The following NRAP variants were observed in gnomAD, a reference collection of about 807,000 sequenced individuals.
The protein encoded by NRAP is nebulin related anchoring protein, also known as nebulin-related-anchoring protein.
Under a neutral mutation model 225.9 loss-of-function variants are expected in NRAP, and 189 were observed. The observed-to-expected ratio is 0.84, with a 90% CI of 0.74 to 0.94. The LOEUF (loss-of-function observed/expected upper bound fraction) is 0.94, where lower values mean the gene tolerates loss of function less well. Ranked by LOEUF, NRAP falls within the 40% of genes least tolerant of loss-of-function variation. The pLI, the probability that NRAP is intolerant of heterozygous loss-of-function variation, is 0.00. For missense variants in NRAP, 2,176 were observed against 2,168.7 expected, an observed-to-expected ratio of 1.00 and a Z score of -0.07; for synonymous variants, 769 against 790.7, an observed-to-expected ratio of 0.97 and a Z score of 0.46.
chr10:113,636,867 C>T (rs982780680), intron 14 of NRAP, among the ~76,000 whole-genome samples: 4 of 151,932 alleles, frequency 2.6e-5, no homozygotes, highest in African/African-American at 7.3e-5. Flanking sequence ...ATTAGCCGGG[C>T]GTGGTGGCTC....
chr10:113,643,830 T>C (rs1396739862), intron 11 of NRAP, among the ~76,000 whole-genome samples: 1 of 152,236 alleles, frequency 6.6e-6, no homozygotes, highest in African/African-American at 2.4e-5. Flanking sequence ...TATCATATCT[T>C]ATAAAACTAT....
chr10:113,603,829 T>C (rs1297361099), intron 35 of NRAP, among the ~76,000 whole-genome samples: 1 of 152,144 alleles, frequency 6.6e-6, no homozygotes, highest in African/African-American at 2.4e-5. Flanking sequence ...CTTGCTCAAA[T>C]ATCAACTTTT....
In NRAP at chr10:113,652,981, G is replaced by A. The variant is rs1341692311; in HGVS notation, c.524C>T (p.Thr175Ile). The A allele has an allele frequency of 4.3e-6, 7 of 1,613,272 alleles. No homozygotes were observed. Among genetic ancestry groups the A allele is most frequent in the African/African-American group, 1.3e-5 (1 of 74,856 alleles). ...RGKGSFPAMI[T>I]PAYQRAKKAN... Reference sequence around the variant, plus strand: ...TTTCTTGGCCCTTTGATAAGCAGGTGTGATCATGGCTGGAAAGCTCCCCTT... The same window carrying A: ...TTTCTTGGCCCTTTGATAAGCAGGTATGATCATGGCTGGAAAGCTCCCCTT... The change falls in exon 6 of 42, where the codon ACA becomes ATA. Residue 175 changes from threonine (T) to isoleucine (I), a missense_variant. By Grantham distance (89) the Thr-to-Ile change is moderately conservative. This residue lies in a region of NRAP where 1,708 missense variants were observed against 1,695.5 expected (regional missense o/e 1.01). Coordinates refer to ENST00000359988, the MANE Select transcript of NRAP (RefSeq NM_198060.4).
rs755981418 is a variant in NRAP at position 113,589,615 on chromosome 10, C to T, written c.5088+51G>A. On this transcript the variant is annotated intron_variant, in intron 41 of 41. Coordinates refer to ENST00000359988, the MANE Select transcript of NRAP (RefSeq NM_198060.4). ...CTTTGAAAAGAAACAATGAGTTTGT[C>T]TTTCCCCATGGCCTTGCAAGCCAGG... is the stretch of plus-strand genomic sequence containing the variant. 3 of 1,531,800 alleles carry T rather than the reference C, an allele frequency of 2.0e-6. No homozygotes were observed. The African/African-American group carries it at 5.3e-5, about 27-fold the overall frequency. The allele number at this position is 1,531,800 out of a possible 1,614,324, so 94.9% of individuals were successfully genotyped here.
chr10:113,622,301 CA>C (rs1238427992), intron 23 of NRAP, 121 bp from the exon 24 acceptor site: 1 of 677,914 alleles, frequency 1.5e-6, no homozygotes, highest in Non-Finnish European at 2.5e-6. Context: ...GAATTAGAAT[CA>C]TATGAAAGTT....
At chr10:113,608,549 G>T in intron 31 of NRAP, 37 bp from the exon 32 acceptor site, 1 of 1,347,752 alleles carries the variant, frequency 7.4e-7, no homozygotes, top group Non-Finnish European at 1.1e-6. Flanking sequence ...AGACGACTCC[G>T]TAAGGGATAA....
chr10:113,606,297 T>A lies in NRAP; in HGVS notation c.3703-15A>T, dbSNP rs778779676. 1 of 1,458,090 alleles carries A rather than the reference T, an allele frequency of 6.9e-7. No individual in the cohort carries two copies. The highest frequency in any genetic ancestry group is 9.6e-7 in the Non-Finnish European group (1 of 1,038,206). The allele number at this position is 1,458,090 out of a possible 1,614,324, so 90.3% of individuals were successfully genotyped here. A position where few individuals can be genotyped will look rare whatever the true frequency, so the allele number is the denominator to read the frequency against. Reference sequence around the variant, plus strand: ...TTATAGAGGCGCTAGGCCAAAAAAATATAATAATAATAATGCAAGAGATAA... The same window carrying A: ...TTATAGAGGCGCTAGGCCAAAAAAAAATAATAATAATAATGCAAGAGATAA... On this transcript the variant is annotated splice_polypyrimidine_tract_variant and intron_variant, in intron 32 of 41. Transcript: ENST00000359988.
chr10:113,623,540 G>A lies in NRAP; in HGVS notation c.2446C>T (p.Leu816=), dbSNP rs777272365. 1 of 1,611,890 alleles carries A rather than the reference G, an allele frequency of 6.2e-7. No homozygotes were observed. Among genetic ancestry groups the A allele is most frequent in the African/African-American group, 1.3e-5 (1 of 74,880 alleles). Reference sequence around the variant, plus strand: ...GGGGACAGACTCACCTCGCTAGCCAGGTCCCTCTTGGCTTTGGCTGCCAGG... The same window carrying A: ...GGGGACAGACTCACCTCGCTAGCCAAGTCCCTCTTGGCTTTGGCTGCCAGG... The part of the protein sequence containing the change: ...TFLAAKAKRD[L]ASEVKYKEDY... The change falls in exon 23 of 42, where the codon CTG becomes TTG. Residue 816 remains leucine (L), a synonymous_variant. Transcript: ENST00000359988.
Position 113,592,191 on chromosome 10 carries a change from T to C in NRAP, c.4644+3A>G, listed in dbSNP as rs530731672. ...ACCGCAGGAGAGAACATGGGGGTCT[T>C]ACATCACTGGCGATCTCCCTAGATG... On this transcript the variant is annotated splice_donor_region_variant and intron_variant, in intron 39 of 41. Coordinates refer to ENST00000359988, the MANE Select transcript of NRAP (RefSeq NM_198060.4). 3.1e-6 allele frequency: 5 copies of C among 1,589,322 alleles called. No homozygotes were observed. Among genetic ancestry groups the C allele is most frequent in the Admixed American group, 3.4e-5 (2 of 59,184 alleles).
chr10:113,627,259 T>C (rs1848339491), intron 20 of NRAP, among the ~76,000 whole-genome samples: 1 of 152,202 alleles, frequency 6.6e-6, no homozygotes, highest in African/African-American at 2.4e-5. Context: ...ACCCCGCCAT[T>C]GTTGGAAATT....
intron 5 of NRAP, 127 bp downstream of exon 5, chr10:113,653,894 G>A: frequency 1.4e-6 from 1 of 728,030 alleles, no homozygotes. Flanking sequence ...TCAGGGATTA[G>A]GACATGGGTA....
At chr10:113,632,831 G>A (rs185676622) in intron 16 of NRAP, among the ~76,000 whole-genome samples, 61 of 152,216 alleles carry the variant, frequency 4.0e-4, no homozygotes, top group Admixed American at 2.1e-3. Flanking sequence ...GAGCATGTAG[G>A]GGGGTGTGTG....
intron 38 of NRAP, among the ~76,000 whole-genome samples, chr10:113,595,179 G>A (rs1358132608): frequency 1.3e-5 from 2 of 152,166 alleles, no homozygotes; most frequent in Non-Finnish European, 2.9e-5. Context: ...GGACGGGATG[G>A]GCTACCATTG....
intron 12 of NRAP, among the ~76,000 whole-genome samples, chr10:113,641,713 G>C (rs528784169): frequency 6.6e-6 from 1 of 152,282 alleles, no homozygotes; most frequent in African/African-American, 2.4e-5. Flanking sequence ...GATGAGCATA[G>C]ACAGCACAAA....
chr10:113,599,120 T>C (rs1262904618), intron 35 of NRAP, among the ~76,000 whole-genome samples: 1 of 152,266 alleles, frequency 6.6e-6, no homozygotes, highest in Non-Finnish European at 1.5e-5. Flanking sequence ...CTAATTTAGA[T>C]ATAAGCTCTG....
intron 4 of NRAP, among the ~76,000 whole-genome samples, chr10:113,654,507 CAAA>C (rs56238053): frequency 0.46 from 59,146 of 128,748 alleles, 13,279 homozygotes; most frequent in Admixed American, 0.59. Flanking sequence ...GCAATAAAAG[CAAA>C]AAAAAAAAAA....
chr10:113,590,936 C>G (rs755742214), intron 39 of NRAP, 47 bp from the exon 40 acceptor site: 6 of 1,556,716 alleles, frequency 3.9e-6, no homozygotes, highest in Non-Finnish European at 5.3e-6. Context: ...CTACCTCCCC[C>G]AGGACCAGCC....
intron 20 of NRAP, among the ~76,000 whole-genome samples, chr10:113,627,478 C>G (rs1848349792): frequency 6.6e-6 from 1 of 152,180 alleles, no homozygotes; most frequent in South Asian, 2.1e-4. Flanking sequence ...TGGCTGCATT[C>G]TCTCCCCTCT....
intron 38 of NRAP, among the ~76,000 whole-genome samples, chr10:113,592,673 T>TC: frequency 6.6e-6 from 1 of 152,298 alleles, no homozygotes; most frequent in South Asian, 2.1e-4. Context: ...GCTTCCAGAA[T>TC]CCAGTTTCTT....
Sources: allele counts gnomAD v4.1 joint callset (sites outside exome capture counted in the v4.1 genomes callset), GRCh38; gene constraint gnomAD v4.1.1; regional missense constraint gnomAD v4.1.1; transcripts MANE v1.5; gene names NCBI Gene and HGNC (gene_info 2026-07-23, HGNC 2026-07-21).